The following KCNK9 variants were observed in gnomAD, a reference collection of about 807,000 sequenced individuals.
The protein encoded by KCNK9 is potassium two pore domain channel subfamily K member 9.
Under a neutral mutation model 10.8 loss-of-function variants are expected in KCNK9, and 1 was observed. That is an observed-to-expected ratio of 0.09 (90% CI 0.03 to 0.44). The LOEUF is 0.44. Among genes scored for constraint, KCNK9 ranks in the 20% least tolerant of loss-of-function variants. KCNK9 has a pLI of 0.97. For synonymous variants in KCNK9, 231 were observed against 222.7 expected, an observed-to-expected ratio of 1.04 and a Z score of -0.33; for missense variants, 303 against 515.0, an observed-to-expected ratio of 0.59 and a Z score of 3.98.
chr8:139,699,988 C>T (rs1299354790), intron 1 of KCNK9, among the ~76,000 whole-genome samples: 1 of 152,208 alleles, frequency 6.6e-6, no homozygotes, highest in African/African-American at 2.4e-5. Flanking sequence ...ATTAATATCA[C>T]TGCCCAATAG....
At chr8:139,605,186 G>C (rs1817459186) in intron 2 of KCNK9, among the ~76,000 whole-genome samples, 5 of 152,246 alleles carry the variant, frequency 3.3e-5, no homozygotes, top group African/African-American at 1.2e-4. Flanking sequence ...GAAAAGGGCA[G>C]CATGGTTTGC....
chr8:139,667,393 A>G (rs371175366), intron 1 of KCNK9, among the ~76,000 whole-genome samples: 1 of 152,014 alleles, frequency 6.6e-6, no homozygotes, highest in South Asian at 2.1e-4. Flanking sequence ...GTGCAAATGA[A>G]TGTGCATAAA....
chr8:139,639,589 G>A lies in KCNK9; in HGVS notation c.284-20490C>T, dbSNP rs1461463442. Among the ~76,000 whole-genome samples, 5 of 152,332 alleles carry A rather than the reference G, an allele frequency of 3.3e-5. No homozygotes were observed. The East Asian group carries it at 9.7e-4, about 29-fold the overall frequency. On this transcript the variant is annotated intron_variant, in intron 1 of 1. Transcript: ENST00000520439. ...GCCATGGCTCCCCAGCCCAGCGCTG[G>A]GGGTCTGGAGTCTGGGCTTGGCATG...
chr8:139,697,753 G>A (rs184193860), intron 1 of KCNK9, among the ~76,000 whole-genome samples: 2 of 152,184 alleles, frequency 1.3e-5, no homozygotes, highest in East Asian at 1.9e-4. Context: ...TCCGCATTCC[G>A]AGGTGTCTCT....
At chr8:139,627,062 G>C (rs1055714512) in intron 1 of KCNK9, among the ~76,000 whole-genome samples, 21 of 152,232 alleles carry the variant, frequency 1.4e-4, no homozygotes, top group African/African-American at 5.1e-4. Context: ...GCAGGAATCA[G>C]TGGGTCCCAA....
intron 1 of KCNK9, among the ~76,000 whole-genome samples, chr8:139,637,234 G>A (rs990804140): frequency 2.6e-5 from 4 of 152,176 alleles, no homozygotes; most frequent in Non-Finnish European, 4.4e-5. Flanking sequence ...CCTGCATGTC[G>A]GAGTGCTGAC....
chr8:139,607,456 G>A (rs907564311), intron 2 of KCNK9, among the ~76,000 whole-genome samples: 12 of 152,182 alleles, frequency 7.9e-5, no homozygotes, highest in East Asian at 3.9e-4. Flanking sequence ...GGGAGCTGCC[G>A]GGCCCACTGT....
chr8:139,624,258 A>G (rs1319935672), intron 1 of KCNK9, among the ~76,000 whole-genome samples: 1 of 152,220 alleles, frequency 6.6e-6, no homozygotes, highest in Non-Finnish European at 1.5e-5. Flanking sequence ...GGTCACACGG[A>G]GTCAGGCCTC....
chr8:139,684,350 C>G (rs1308043959), intron 1 of KCNK9, among the ~76,000 whole-genome samples: 1 of 152,190 alleles, frequency 6.6e-6, no homozygotes, highest in Non-Finnish European at 1.5e-5. Context: ...TCCTTGGAAG[C>G]CACAAGTAAA....
At chr8:139,680,199 T>C (rs17737334) in intron 1 of KCNK9, among the ~76,000 whole-genome samples, 64,712 of 152,148 alleles carry the variant, frequency 0.43, 15,128 homozygotes, top group Non-Finnish European at 0.53. Context: ...AGGTTCAGCC[T>C]TGGCCAGCAG....
At chr8:139,673,846 G>A (rs182587449) in intron 1 of KCNK9, among the ~76,000 whole-genome samples, 21 of 152,204 alleles carry the variant, frequency 1.4e-4, no homozygotes, top group Middle Eastern at 3.4e-3. Context: ...GGATCATGCT[G>A]AGCCAGCATC....
chr8:139,674,539 C>T (rs1816506311), intron 1 of KCNK9, among the ~76,000 whole-genome samples: 1 of 152,192 alleles, frequency 6.6e-6, no homozygotes, highest in African/African-American at 2.4e-5. Context: ...TTTCACAGCT[C>T]AGGAGCCTGG....
chr8:139,646,869 C>T (rs1815701949), intron 1 of KCNK9, among the ~76,000 whole-genome samples: 1 of 152,236 alleles, frequency 6.6e-6, no homozygotes, highest in African/African-American at 2.4e-5. Flanking sequence ...ACACAATAAG[C>T]AGCCAGCTGT....
At chr8:139,635,418 AAGG>A (rs1815308384) in intron 1 of KCNK9, among the ~76,000 whole-genome samples, 1 of 152,214 alleles carries the variant, frequency 6.6e-6, no homozygotes, top group African/African-American at 2.4e-5. Flanking sequence ...CCAGGGCCGG[AAGG>A]AGGACAGGGA....
intron 1 of KCNK9, among the ~76,000 whole-genome samples, chr8:139,643,901 AG>A (rs1260798833): frequency 2.0e-5 from 3 of 152,152 alleles, no homozygotes; most frequent in Non-Finnish European, 4.4e-5. Context: ...AAGGGAGTCG[AG>A]GGGGCTCTTC....
At chr8:139,605,861 T>TTAGGTAAGCTGTGACAATAATAAATAC (rs1817475186) in intron 2 of KCNK9, among the ~76,000 whole-genome samples, 1 of 152,210 alleles carries the variant, frequency 6.6e-6, no homozygotes, top group Non-Finnish European at 1.5e-5. Flanking sequence ...CTTTAAAATA[T>TTAGGTAAGCTGTGACAATAATAAATAC]TAGGTAAGCT....
intron 1 of KCNK9, among the ~76,000 whole-genome samples, chr8:139,690,294 A>T (rs1816911356): frequency 6.6e-6 from 1 of 152,184 alleles, no homozygotes; most frequent in African/African-American, 2.4e-5. Context: ...GATACATGAA[A>T]ATATCTATCT....
chr8:139,679,189 C>T (rs1382561040), intron 1 of KCNK9, among the ~76,000 whole-genome samples: 1 of 152,238 alleles, frequency 6.6e-6, no homozygotes, highest in African/African-American at 2.4e-5. Flanking sequence ...GACCCACTTC[C>T]AGCCAATGAC....
At chr8:139,697,609 C>T (rs1213037082) in intron 1 of KCNK9, among the ~76,000 whole-genome samples, 2 of 152,020 alleles carry the variant, frequency 1.3e-5, no homozygotes, top group African/African-American at 4.8e-5. Flanking sequence ...GGGCCTGTTT[C>T]ACCTACTGCT....
Sources: gnomAD v4.1 joint callset for allele counts (sites outside exome capture counted in the v4.1 genomes callset) on GRCh38, gnomAD v4.1.1 for gene constraint, MANE v1.5 for transcripts, NCBI Gene and HGNC (gene_info 2026-07-23, HGNC 2026-07-21) for gene names.